The following ATF6 variants were observed in gnomAD, a reference collection of about 807,000 sequenced individuals.
The protein encoded by ATF6 is activating transcription factor 6.
In ATF6, 53 loss-of-function variants were observed where a neutral mutation model predicts 83.6. The ratio of observed to expected loss-of-function variants is 0.63; its 90% confidence interval spans 0.51 to 0.80. The LOEUF is 0.80. ATF6 is among the 30% of genes least tolerant of loss of function. The probability of loss-of-function intolerance (pLI) is 0.00; values close to 1 mark genes in which losing one functional copy is unlikely to be tolerated. For synonymous variants in ATF6, 288 were observed against 285.8 expected, an observed-to-expected ratio of 1.01 and a Z score of -0.08; for missense variants, 744 against 797.9, an observed-to-expected ratio of 0.93 and a Z score of 0.81.
chr1:161,822,296 T>G (rs1016766114), intron 9 of ATF6, among the ~76,000 whole-genome samples: 3 of 152,154 alleles, frequency 2.0e-5, no homozygotes, highest in African/African-American at 7.2e-5. Flanking sequence ...GAAAAGAAAC[T>G]CACAGCATAT....
intron 14 of ATF6, among the ~76,000 whole-genome samples, chr1:161,908,870 T>C (rs917581967): frequency 2.6e-5 from 4 of 152,188 alleles, no homozygotes; most frequent in African/African-American, 9.7e-5. Flanking sequence ...CCTCCAGAAT[T>C]GAATTTCCTT....
At chr1:161,845,667 CAG>C (rs971090135) in intron 9 of ATF6, among the ~76,000 whole-genome samples, 3 of 150,720 alleles carry the variant, frequency 2.0e-5, no homozygotes, top group Admixed American at 2.0e-4. Flanking sequence ...CTCAGCTACT[CAG>C]AGGGGCTGAG....
chr1:161,902,354 C>G (rs1342793157), intron 14 of ATF6, among the ~76,000 whole-genome samples: 2 of 152,148 alleles, frequency 1.3e-5, no homozygotes, highest in Non-Finnish European at 2.9e-5. Flanking sequence ...TTTACTGCTT[C>G]AACAAGGATA....
At chr1:161,900,215 T>C (rs1363199167) in intron 14 of ATF6, among the ~76,000 whole-genome samples, 2 of 152,180 alleles carry the variant, frequency 1.3e-5, no homozygotes, top group Non-Finnish European at 2.9e-5. Context: ...TATTTAGAAG[T>C]TTGGTGATGT....
At chr1:161,951,485 A>G (rs1688861782) in intron 15 of ATF6, among the ~76,000 whole-genome samples, 1 of 152,224 alleles carries the variant, frequency 6.6e-6, no homozygotes, top group Non-Finnish European at 1.5e-5. Flanking sequence ...CTATATTTTC[A>G]TCATCTGCTG....
At chr1:161,778,447 C>T in intron 2 of ATF6, 127 bp downstream of exon 2, 1 of 662,620 alleles carries the variant, frequency 1.5e-6, no homozygotes, top group Non-Finnish European at 2.6e-6. Flanking sequence ...ATAGCTTCTA[C>T]CATTAAGTAT....
At chr1:161,950,935 G>A (rs931358647) in intron 15 of ATF6, among the ~76,000 whole-genome samples, 3 of 152,174 alleles carry the variant, frequency 2.0e-5, no homozygotes, top group Non-Finnish European at 4.4e-5. Context: ...ATGATCTAAT[G>A]AAGAAACCTC....
chr1:161,937,347 TAAAAAAAAAA>T (rs35432799), intron 15 of ATF6, among the ~76,000 whole-genome samples: 1 of 111,032 alleles, frequency 9.0e-6, no homozygotes, highest in South Asian at 3.1e-4. Flanking sequence ...CCCTCTCAGT[TAAAAAAAAAA>T]AAAAAAAAAA....
At chr1:161,789,886 A>G (rs895425890) in intron 4 of ATF6, among the ~76,000 whole-genome samples, 1 of 152,156 alleles carries the variant, frequency 6.6e-6, no homozygotes, top group African/African-American at 2.4e-5. Flanking sequence ...CACTCTACAT[A>G]TTGCTCAGCT....
At chr1:161,783,844 A>G (rs966364442) in intron 3 of ATF6, 146 bp from the exon 4 acceptor site, 6 of 596,992 alleles carry the variant, frequency 1.0e-5, no homozygotes, top group Non-Finnish European at 1.8e-5. Context: ...TGTTTTCTGC[A>G]TCTTTCATTT....
At chr1:161,952,109 T>C (rs565008006) in intron 15 of ATF6, among the ~76,000 whole-genome samples, 1 of 152,288 alleles carries the variant, frequency 6.6e-6, no homozygotes, top group South Asian at 2.1e-4. Context: ...CCCCTCCTTC[T>C]TAACACAGGT....
At chr1:161,789,456 A>G (rs1357957210) in intron 4 of ATF6, among the ~76,000 whole-genome samples, 1 of 151,072 alleles carries the variant, frequency 6.6e-6, no homozygotes, top group Non-Finnish European at 1.5e-5. Context: ...ATTTTTTATT[A>G]TGTTTTCTAA....
At chr1:161,828,189 T>C (rs1223369256) in intron 9 of ATF6, among the ~76,000 whole-genome samples, 1 of 152,154 alleles carries the variant, frequency 6.6e-6, no homozygotes, top group Non-Finnish European at 1.5e-5. Flanking sequence ...TTTATTTTAT[T>C]TTTTCTACCT....
intron 14 of ATF6, among the ~76,000 whole-genome samples, chr1:161,881,172 AT>A (rs750502973): frequency 6.6e-5 from 10 of 152,070 alleles, no homozygotes; most frequent in Non-Finnish European, 1.2e-4. Context: ...GAACACACAC[AT>A]TTATTATCTC....
chr1:161,860,057 A>G, intron 12 of ATF6, 150 bp from the exon 13 acceptor site: 1 of 442,258 alleles, frequency 2.3e-6, no homozygotes, highest in Non-Finnish European at 4.1e-6. Context: ...GAGTTCTAAT[A>G]TCTGTCAGTG....
chr1:161,841,702 G>C (rs1176552305), intron 9 of ATF6, among the ~76,000 whole-genome samples: 2 of 152,152 alleles, frequency 1.3e-5, no homozygotes, highest in Non-Finnish European at 2.9e-5. Flanking sequence ...ATGCGTCTGA[G>C]CTCCTTAACT....
chr1:161,819,607 T>G (rs371678350), intron 7 of ATF6, 26 bp from the exon 8 acceptor site: 17 of 1,521,908 alleles, frequency 1.1e-5, no homozygotes, highest in Non-Finnish European at 1.3e-5. Flanking sequence ...AACCAGGGTA[T>G]TCTGATTCAT....
chr1:161,811,669 CCCATCCATCCATCCATCCACTATCCAT>C (rs1685461167), intron 7 of ATF6, among the ~76,000 whole-genome samples: 1 of 151,798 alleles, frequency 6.6e-6, no homozygotes, highest in Non-Finnish European at 1.5e-5. Context: ...TACCTACCTA[CCCATCCATCCATCCATCCACTATCCAT>C]CCATCCATCC....
At chr1:161,792,851 T>C (rs1684914836) in intron 6 of ATF6, among the ~76,000 whole-genome samples, 1 of 152,144 alleles carries the variant, frequency 6.6e-6, no homozygotes, top group Non-Finnish European at 1.5e-5. Flanking sequence ...ATCCACCAGA[T>C]GGCCTCATAC....
Sources: gnomAD v4.1 joint callset for allele counts (sites outside exome capture counted in the v4.1 genomes callset) on GRCh38, gnomAD v4.1.1 for gene constraint, MANE v1.5 for transcripts, NCBI Gene and HGNC (gene_info 2026-07-23, HGNC 2026-07-21) for gene names.